Variants in WNK2 observed in about 807,000 individuals in gnomAD.
The protein encoded by WNK2 is serine/threonine-protein kinase WNK2.
Under a neutral mutation model 192.1 loss-of-function variants are expected in WNK2, and 67 were observed. The ratio of observed to expected loss-of-function variants is 0.35; its 90% CI spans 0.29 to 0.43. WNK2 has a LOEUF of 0.43. Ranked by LOEUF, WNK2 falls within the 20% of genes least tolerant of loss-of-function variation. The pLI, the probability that WNK2 is intolerant of heterozygous loss-of-function variation, is 1.00. For missense variants in WNK2, 2,698 were observed against 3,089.7 expected (o/e 0.87, Z 3.01); for synonymous variants, 1,439 against 1,393.9 (o/e 1.03, Z -0.72).
intron 2 of WNK2, among the ~76,000 whole-genome samples, chr9:93,196,831 G>C (rs1434690112): frequency 6.6e-6 from 1 of 152,182 alleles, no homozygotes; most frequent in Admixed American, 6.5e-5. Flanking sequence ...TGCTGTGTCT[G>C]TCTTGGTTAC....
intron 2 of WNK2, among the ~76,000 whole-genome samples, chr9:93,208,897 G>T (rs566832105): frequency 6.6e-6 from 1 of 152,128 alleles, no homozygotes; most frequent in Non-Finnish European, 1.5e-5. Flanking sequence ...TCTACAAGTT[G>T]TGTGTGTTCT....
Position 93,308,395 on chromosome 9 carries a change from G to A in WNK2, c.6327G>A (p.Ala2109=), listed in dbSNP as rs115314798. ...CCCAGCCCGCCCTGCACGTCCAGGC[G>A]CAGGTGAACAACAGCAACAACAAGA... ...PGPQPALHVQ[A]QVNNSNNKKG... Residue 2109 remains alanine, a synonymous_variant, in exon 28 of 30, where the codon GCG becomes GCA. Coordinates refer to ENST00000427277, the MANE Select transcript of WNK2 (RefSeq NM_006648.4). The A allele has an allele frequency of 1.6e-3, 2,588 of 1,582,960 alleles. 43 individuals carry two copies. The African/African-American group carries it at 0.03, about 18-fold the overall frequency.
rs1194750700 is a variant in WNK2 at position 93,306,584 on chromosome 9, G to C, written c.6215-193G>C. 8.1e-5 allele frequency: 53 copies of C among 650,768 alleles called. No individual in the cohort carries two copies. In the South Asian group the frequency reaches 9.3e-4, roughly 11 times the overall value. 40.3% of individuals were successfully genotyped at this position (650,768 alleles called of 1,614,324 possible). On this transcript the variant is annotated intron_variant, in intron 26 of 29. Transcript: ENST00000427277. ...CTGGCACCTCTGCCCCCTCGGCGAAGCTCGTGGGAGCCTGCACCCTCTCTC... is the reference window on the plus strand; with the variant it reads ...CTGGCACCTCTGCCCCCTCGGCGAACCTCGTGGGAGCCTGCACCCTCTCTC...
At chr9:93,261,016 G>C (rs1464551555) in intron 12 of WNK2, among the ~76,000 whole-genome samples, 1 of 152,178 alleles carries the variant, frequency 6.6e-6, no homozygotes, top group Non-Finnish European at 1.5e-5. Context: ...GAAGGGTCCA[G>C]AAGTCTGTTG....
intron 28 of WNK2, among the ~76,000 whole-genome samples, chr9:93,314,921 A>G (rs1429975249): frequency 1.3e-5 from 2 of 152,060 alleles, no homozygotes; most frequent in African/African-American, 4.8e-5. Context: ...TTTGGCTAAC[A>G]TTCCCTAAAC....
rs780685520 is a variant in WNK2, at chr9:93,234,815, C to T, written c.1083C>T (p.Pro361=). 15 of 1,612,638 alleles carry T rather than the reference C, an allele frequency of 9.3e-6. No homozygotes were observed. Among genetic ancestry groups the T allele is most frequent in the East Asian group, 4.5e-5 (2 of 44,826 alleles). Residue 361 remains proline (P), a synonymous_variant, in exon 5 of 30, where the codon CCC becomes CCT. Transcript: ENST00000427277. ...ASFAKSVIGT[P]EFMAPEMYEE... ...TGTTGCTTCCGGGCACAGGTACTCC[C>T]GAGTTCATGGCGCCCGAGATGTACG... is the stretch of plus-strand genomic sequence containing the variant.
chr9:93,260,319 T>C (rs1588255491), intron 12 of WNK2, among the ~76,000 whole-genome samples: 1 of 152,162 alleles, frequency 6.6e-6, no homozygotes, highest in Admixed American at 6.5e-5. Context: ...GAGGGGCTAG[T>C]ATGGGAGCCT....
chr9:93,211,553 C>G (rs899877832), intron 2 of WNK2, among the ~76,000 whole-genome samples: 7 of 150,356 alleles, frequency 4.7e-5, no homozygotes, highest in African/African-American at 1.7e-4. Flanking sequence ...CATTCACTCA[C>G]TCACTCATCC....
intron 28 of WNK2, 71 bp downstream of exon 28, chr9:93,308,655 CTG>C (rs1853072324): frequency 6.8e-7 from 1 of 1,460,402 alleles, no homozygotes; most frequent in African/African-American, 1.4e-5. Flanking sequence ...TGCTAGTGCC[CTG>C]TGTGGCAGAG....
intron 2 of WNK2, among the ~76,000 whole-genome samples, chr9:93,197,708 A>G (rs1831524932): frequency 6.6e-6 from 1 of 152,106 alleles, no homozygotes; most frequent in Admixed American, 6.5e-5. Flanking sequence ...TTTGTAGTAG[A>G]GACGGGGTTT....
chr9:93,189,323 G>A (rs1054061302), intron 2 of WNK2, among the ~76,000 whole-genome samples: 2 of 152,236 alleles, frequency 1.3e-5, no homozygotes, highest in African/African-American at 2.4e-5. Context: ...CCTGCACCCA[G>A]CATGGGGTCT....
At chr9:93,302,992 C>T (rs1439106589) in intron 26 of WNK2, among the ~76,000 whole-genome samples, 2 of 151,844 alleles carry the variant, frequency 1.3e-5, no homozygotes, top group Non-Finnish European at 2.9e-5. Context: ...GATCTCAGCT[C>T]ACTGCAACCT....
In WNK2 at chr9:93,317,619, G is replaced by A. The variant is rs554495666; in HGVS notation, c.6616G>A (p.Val2206Met). ...VIPGAAPTLSVPTPDPESEKP... is the reference protein window; with the variant it reads ...VIPGAAPTLSMPTPDPESEKP... The stretch of plus-strand genomic sequence containing the variant: ...TCCCGGAGCCGCCCCGACCCTGTCC[G>A]TGCCCACACCAGGTACTGCCCTCTC... The change falls in exon 29 of 30, where the codon GTG becomes ATG. Residue 2206 changes from valine to methionine, a missense_variant. Physicochemically the swap from Val to Met is conservative, Grantham distance 21. Transcript: ENST00000427277. The A allele has an allele frequency of 5.9e-5, 95 of 1,612,814 alleles. No homozygotes were observed. Among genetic ancestry groups the A allele is most frequent in the Middle Eastern group, 3.3e-4 (2 of 6,062 alleles).
In WNK2 at chr9:93,300,389, G is replaced by A. The variant is rs1033979756; in HGVS notation, c.6214+240G>A. 15 of 391,826 alleles carry A rather than the reference G, an allele frequency of 3.8e-5. No individual in the cohort carries two copies. The Middle Eastern group carries it at 2.0e-3, about 52-fold the overall frequency. 24.3% of individuals were successfully genotyped at this position (391,826 alleles called of 1,614,324 possible). A position where few individuals can be genotyped will look rare whatever the true frequency, so the allele number is the denominator to read the frequency against. ...ATGCTCATGGCTGGTGCCTGGGCAC[G>A]GAAAGCATGTGCAGCGGCTGGCCTG... On this transcript the variant is annotated intron_variant, in intron 26 of 29. Transcript: ENST00000427277.
Position 93,233,289 on chromosome 9 carries a change from AG to A in WNK2, c.1076-1517del, listed in dbSNP as rs547756119. Among the ~76,000 whole-genome samples the A allele has an allele frequency of 2.5e-3, 376 of 152,216 alleles. 1 individual carries two copies. The highest frequency in any genetic ancestry group is 8.7e-3 in the African/African-American group (363 of 41,530). Reference sequence around the variant, plus strand: ...CAAAAGAATAAAAGTTCCCGGCGTCAGGCCCCTCCACTCAGCTCCTGTTGTT... The same window carrying A: ...CAAAAGAATAAAAGTTCCCGGCGTCAGCCCCTCCACTCAGCTCCTGTTGTT... On this transcript the variant is annotated intron_variant, in intron 4 of 29. Transcript: ENST00000427277.
intron 2 of WNK2, among the ~76,000 whole-genome samples, chr9:93,220,896 C>CT (rs1309160421): frequency 3.5e-4 from 54 of 152,288 alleles, no homozygotes; most frequent in Non-Finnish European, 6.8e-4. Flanking sequence ...AGCCTGGGTC[C>CT]CCCTTTGGTC....
In WNK2 at chr9:93,254,584, C is replaced by T. The variant is rs72743428; in HGVS notation, c.2034+1502C>T. 2.3e-3 allele frequency among the ~76,000 whole-genome samples: 344 copies of T among 152,310 alleles called. 1 individual carries two copies. The highest frequency in any genetic ancestry group is 3.4e-3 in the Middle Eastern group (1 of 294). On this transcript the variant is annotated intron_variant, in intron 9 of 29. Transcript: ENST00000427277. The stretch of plus-strand genomic sequence containing the variant: ...GAGTCTGCCTTTGCTGACTGCAGCC[C>T]CAGGACTCATTTGCAATTTGCATTT...
rs1159866880 is a variant in WNK2 at position 93,253,347 on chromosome 9, A to G, written c.2034+265A>G. Among the ~76,000 whole-genome samples the G allele has an allele frequency of 1.1e-4, 16 of 151,326 alleles. No individual in the cohort carries two copies. In the East Asian group the frequency reaches 3.1e-3, roughly 29 times the overall value. On this transcript the variant is annotated intron_variant, in intron 9 of 29. Transcript: ENST00000427277. Reference sequence around the variant, plus strand: ...TTCCTGTAAAGACCTACTAGATAGGAAAGACACCCTATTGGAAAACAGACC... The same window carrying G: ...TTCCTGTAAAGACCTACTAGATAGGGAAGACACCCTATTGGAAAACAGACC...
At chr9:93,265,188 AG>A (rs1475302029) in intron 16 of WNK2, among the ~76,000 whole-genome samples, 2 of 152,252 alleles carry the variant, frequency 1.3e-5, no homozygotes, top group East Asian at 3.8e-4. Context: ...TGTGGCAATA[AG>A]CGAGAGAGAA....
Sources: gnomAD v4.1 joint callset for allele counts (sites outside exome capture counted in the v4.1 genomes callset) on GRCh38, gnomAD v4.1.1 for gene constraint, MANE v1.5 for transcripts, NCBI Gene and HGNC (gene_info 2026-07-23, HGNC 2026-07-21) for gene names.